The following DMD variants were observed in gnomAD, a reference collection of about 807,000 sequenced individuals.
The protein encoded by DMD is dystrophin.
In DMD, 63 loss-of-function variants were observed where a neutral mutation model predicts 330.1. That is an observed-to-expected ratio of 0.19 (90% CI 0.16 to 0.24). The LOEUF (loss-of-function observed/expected upper bound fraction) is 0.24. Among genes scored for constraint, DMD ranks in the 10% least tolerant of loss-of-function variants. DMD has a pLI of 1.00. For synonymous variants in DMD, 1,223 were observed against 959.8 expected (o/e 1.27, Z -5.07); for missense variants, 3,344 against 2,684.1 (o/e 1.25, Z -5.43).
At chrX:32,767,089 G>A (rs774855880) in intron 7 of DMD, among the ~76,000 whole-genome samples, 12 of 110,848 alleles carry the variant, frequency 1.1e-4, no homozygotes, top group Admixed American at 1.9e-4. Context: ...AAGCAACACC[G>A]CTAACATTAA....
intron 44 of DMD, among the ~76,000 whole-genome samples, chrX:32,099,734 A>G (rs1603625176): frequency 1.4e-5 from 1 of 71,334 alleles, no homozygotes; most frequent in African/African-American, 5.6e-5. Flanking sequence ...ACACCCTGGG[A>G]ACTGTTGTGG....
chrX:31,831,643 G>T (rs1408117465), intron 49 of DMD, among the ~76,000 whole-genome samples: 3 of 111,300 alleles, frequency 2.7e-5, no homozygotes, highest in Non-Finnish European at 5.7e-5. Context: ...CTGTCACCCA[G>T]GCTGGAGTGC....
intron 55 of DMD, among the ~76,000 whole-genome samples, chrX:31,611,911 C>T (rs1026222074): frequency 6.3e-5 from 7 of 111,062 alleles, no homozygotes; most frequent in African/African-American, 1.3e-4. Context: ...CATATATTTA[C>T]GGGGTACATG....
At chrX:31,648,577 A>G (rs2080235991) in intron 54 of DMD, among the ~76,000 whole-genome samples, 1 of 81,212 alleles carries the variant, frequency 1.2e-5, no homozygotes, top group South Asian at 8.2e-4. Context: ...CAATTAGTCA[A>G]GGATGATATC....
At chrX:31,664,608 G>A (rs1603443118) in intron 53 of DMD, among the ~76,000 whole-genome samples, 1 of 84,431 alleles carries the variant, frequency 1.2e-5, no homozygotes, top group South Asian at 6.4e-4. Context: ...CTGATATGTT[G>A]GTCCTCAACT....
intron 44 of DMD, among the ~76,000 whole-genome samples, chrX:32,191,983 T>C (rs2096978155): frequency 9.0e-6 from 1 of 111,726 alleles, no homozygotes; most frequent in African/African-American, 3.3e-5. Flanking sequence ...AAAACTGAGG[T>C]TACAAATACG....
chrX:31,235,171 T>A (rs1296488595), intron 63 of DMD, among the ~76,000 whole-genome samples: 2 of 111,820 alleles, frequency 1.8e-5, no homozygotes, highest in Admixed American at 9.5e-5. Flanking sequence ...AAGTAGACAA[T>A]CTTTATCATG....
chrX:31,413,378 G>A (rs779730540), intron 60 of DMD, among the ~76,000 whole-genome samples: 2 of 112,297 alleles, frequency 1.8e-5, no homozygotes, highest in Admixed American at 9.4e-5. Flanking sequence ...GCTTGTTCTT[G>A]TTAAATTTTA....
At position 31,622,846 on chromosome X, in the gene DMD, TTATATATATATA is replaced by T. The variant is rs757102035; in HGVS notation, c.8217+4815_8217+4826del. Among the ~76,000 whole-genome samples, 197 of 74,178 alleles carry T rather than the reference TTATATATATATA, an allele frequency of 2.7e-3. 2 individuals carry two copies. The highest frequency in any genetic ancestry group is 9.3e-3 in the African/African-American group (183 of 19,629). The allele number at this position is 74,178 out of a possible 115,157, so 64.4% of individuals were successfully genotyped here. A position where few individuals can be genotyped will look rare whatever the true frequency, so the allele number is the denominator to read the frequency against. On this transcript the variant is annotated intron_variant, in intron 55 of 78. Coordinates refer to ENST00000357033, the MANE Select transcript of DMD (RefSeq NM_004006.3). The stretch of plus-strand genomic sequence containing the variant: ...ATTAATAAAAGTTCTCAGAAAAATT[TTATATATATATA>T]TATATATATATATATATATACACAC...
chrX:32,704,012 G>T (rs1017664132), intron 7 of DMD, among the ~76,000 whole-genome samples: 1 of 111,697 alleles, frequency 9.0e-6, no homozygotes, highest in South Asian at 3.8e-4. Flanking sequence ...GTCTCAGAAT[G>T]AAAATAGTGA....
At chrX:31,905,520 TC>T (rs1238670515) in intron 47 of DMD, among the ~76,000 whole-genome samples, 2 of 110,641 alleles carry the variant, frequency 1.8e-5, no homozygotes, top group African/African-American at 6.6e-5. Context: ...ATGGAGAATT[TC>T]CTACCTTGCT....
At chrX:31,688,161 A>T in intron 52 of DMD, among the ~76,000 whole-genome samples, 1 of 111,480 alleles carries the variant, frequency 9.0e-6, no homozygotes, top group Non-Finnish European at 1.9e-5. Flanking sequence ...ACCCTTCAAA[A>T]AAATCAATGA....
chrX:32,700,849 T>G (rs752340865), intron 7 of DMD, among the ~76,000 whole-genome samples: 3 of 111,800 alleles, frequency 2.7e-5, no homozygotes, highest in Non-Finnish European at 5.7e-5. Flanking sequence ...GGTGTTCTGA[T>G]TATAAGTGAA....
Position 31,982,535 on chromosome X carries a change from T to G in DMD, c.6439-14021A>C, listed in dbSNP as rs554209520. Among the ~76,000 whole-genome samples the G allele has an allele frequency of 2.1e-4, 24 of 111,824 alleles. No homozygotes were observed. In the South Asian group the frequency reaches 9.0e-3, roughly 42 times the overall value. On this transcript the variant is annotated intron_variant, in intron 44 of 78. Transcript: ENST00000357033. ...ATTTTTGGAAAATGGCATCATTGTTTACATTTATTCTTTTGGTTTTCTTCT... is the reference window on the plus strand; with the variant it reads ...ATTTTTGGAAAATGGCATCATTGTTGACATTTATTCTTTTGGTTTTCTTCT...
intron 19 of DMD, among the ~76,000 whole-genome samples, chrX:32,492,480 T>C (rs1238269976): frequency 8.9e-6 from 1 of 112,565 alleles, no homozygotes. Context: ...CAGAAAACTT[T>C]ATCAAGGGAA....
At chrX:32,982,990 T>A (rs954375649) in intron 2 of DMD, among the ~76,000 whole-genome samples, 1 of 112,092 alleles carries the variant, frequency 8.9e-6, no homozygotes. Context: ...TTGGAAACTT[T>A]GGAGAAATTG....
At chrX:31,569,559 T>TTA (rs1345498623) in intron 55 of DMD, among the ~76,000 whole-genome samples, 5 of 95,435 alleles carry the variant, frequency 5.2e-5, no homozygotes, top group East Asian at 3.2e-4. Context: ...AGAGTGTTTT[T>TTA]TATATATATA....
chrX:31,948,004 C>A (rs1300090652), intron 45 of DMD, among the ~76,000 whole-genome samples: 1 of 111,025 alleles, frequency 9.0e-6, no homozygotes, highest in African/African-American at 3.3e-5. Flanking sequence ...ACTTTATACT[C>A]ATTGAACAGC....
At chrX:32,864,425 G>A (rs754327585) in intron 2 of DMD, among the ~76,000 whole-genome samples, 10 of 112,163 alleles carry the variant, frequency 8.9e-5, no homozygotes, top group Non-Finnish European at 1.9e-4. Context: ...CAAGGGTTAG[G>A]TGAGTTTTAC....
Sources: gnomAD v4.1 joint callset for allele counts (sites outside exome capture counted in the v4.1 genomes callset) on GRCh38, gnomAD v4.1.1 for gene constraint, MANE v1.5 for transcripts, NCBI Gene and HGNC (gene_info 2026-07-23, HGNC 2026-07-21) for gene names.